VAV2: variants seen among roughly 807,000 people sequenced by gnomAD.
The protein encoded by VAV2 is vav guanine nucleotide exchange factor 2.
A neutral mutation model predicts 132.5 loss-of-function variants in VAV2; 67 were observed. The ratio of observed to expected loss-of-function variants is 0.51; its 90% CI spans 0.42 to 0.62. VAV2 has a LOEUF of 0.62. VAV2 is among the 20% of genes least tolerant of loss of function. The pLI is 0.00. For synonymous variants in VAV2, 492 were observed against 443.5 expected (o/e 1.11, Z -1.37); for missense variants, 938 against 1,153.6 (o/e 0.81, Z 2.71).
chr9:133,810,752 C>G (rs1835328647), intron 5 of VAV2, among the ~76,000 whole-genome samples: 1 of 152,120 alleles, frequency 6.6e-6, no homozygotes, highest in Non-Finnish European at 1.5e-5. Context: ...CCTTCAGAAC[C>G]AGGGACAGCA....
Position 133,763,242 on chromosome 9 carries a change from T to C in VAV2, c.*820A>G, listed in dbSNP as rs1833321018. 6.6e-6 allele frequency: 1 copy of C among 152,214 alleles called. No homozygotes were observed. The highest frequency in any genetic ancestry group is 2.1e-4 in the South Asian group (1 of 4,820). The allele number at this position is 152,214 out of a possible 1,614,324, so 9.4% of individuals were successfully genotyped here. On this transcript the variant is annotated 3_prime_UTR_variant, in exon 30 of 30. Transcript: ENST00000371850. This position sits in a 1 kb window ranked among gnomAD's most constrained non-coding sequence, Gnocchi z 6.8. ...TTCTTCCCTGCCCATTTCAGGGTTT[T>C]TACAAAAGATGTACTGATCTGGCAG... is the stretch of plus-strand genomic sequence containing the variant.
At position 133,788,907 on chromosome 9, in the gene VAV2, C is replaced by T. The variant is rs1397088029; in HGVS notation, c.1274+351G>A. Reference sequence around the variant, plus strand: ...AGGGCCCTGGACAAGCCTGGGCCACCGTGCGCCTGGACACTCTCCGGCAGT... The same window carrying T: ...AGGGCCCTGGACAAGCCTGGGCCACTGTGCGCCTGGACACTCTCCGGCAGT... On this transcript the variant is annotated intron_variant, in intron 14 of 29. Coordinates refer to ENST00000371850, the MANE Select transcript of VAV2 (RefSeq NM_001134398.2). The surrounding 1 kb of genome is among the most constrained non-coding windows in gnomAD (Gnocchi z 5.3). Among the ~76,000 whole-genome samples, 4 of 152,210 alleles carry T rather than the reference C, an allele frequency of 2.6e-5. No individual in the cohort carries two copies. Among genetic ancestry groups the T allele is most frequent in the Non-Finnish European group, 5.9e-5 (4 of 68,034 alleles).
At chr9:133,910,205 C>G (rs754702638) in intron 2 of VAV2, among the ~76,000 whole-genome samples, 1 of 152,166 alleles carries the variant, frequency 6.6e-6, no homozygotes, top group Non-Finnish European at 1.5e-5. Flanking sequence ...AGAGGTAGAA[C>G]AAGAAGCTGG....
At chr9:133,924,663 A>C (rs1840411356) in intron 2 of VAV2, among the ~76,000 whole-genome samples, 1 of 152,176 alleles carries the variant, frequency 6.6e-6, no homozygotes, top group Non-Finnish European at 1.5e-5. Flanking sequence ...TTCCCTCAAG[A>C]GGAACAGCCT....
chr9:133,852,029 T>C (rs1329328318), intron 3 of VAV2, among the ~76,000 whole-genome samples: 2 of 151,446 alleles, frequency 1.3e-5, no homozygotes, highest in Non-Finnish European at 2.9e-5. Flanking sequence ...GGTGGAAGGA[T>C]GTATGGATGG....
chr9:133,812,223 A>G lies in VAV2; in HGVS notation c.450-7T>C, dbSNP rs1161037682. 7.4e-6 allele frequency: 12 copies of G among 1,613,218 alleles called. No individual in the cohort carries two copies. The highest frequency in any genetic ancestry group is 1.0e-5 in the Non-Finnish European group (12 of 1,179,792). On this transcript the variant is annotated splice_region_variant and splice_polypyrimidine_tract_variant and intron_variant, in intron 4 of 29. Transcript: ENST00000371850. ...CTCCCCCAGGTCATGCTCGCTGCAC[A>G]GGAGGAGGCGGGTTAGAGGGGAGGG...
intron 2 of VAV2, among the ~76,000 whole-genome samples, chr9:133,908,077 C>T (rs1333630309): frequency 3.6e-5 from 5 of 138,156 alleles, no homozygotes; most frequent in Non-Finnish European, 7.9e-5. Flanking sequence ...TCTCTGCCTT[C>T]CCCCAGAGAG....
At chr9:133,915,419 C>A (rs1324037389) in intron 2 of VAV2, among the ~76,000 whole-genome samples, 1 of 152,234 alleles carries the variant, frequency 6.6e-6, no homozygotes, top group African/African-American at 2.4e-5. Context: ...CTGACTTTCT[C>A]CCAAGGAGCA....
intron 1 of VAV2, among the ~76,000 whole-genome samples, chr9:133,956,091 C>T (rs1264358316): frequency 6.6e-6 from 1 of 151,996 alleles, no homozygotes; most frequent in African/African-American, 2.4e-5. Flanking sequence ...CTGGACAAGT[C>T]GCTGACCCTC....
At chr9:133,860,162 C>T (rs1458653254) in intron 3 of VAV2, among the ~76,000 whole-genome samples, 1 of 151,788 alleles carries the variant, frequency 6.6e-6, no homozygotes, top group South Asian at 2.1e-4. Flanking sequence ...ATTAGCCGGG[C>T]GTGGTGGTGC....
rs771885409 is a variant in VAV2, at chr9:133,772,077, G to A, written c.2136-31C>T. On this transcript the variant is annotated intron_variant, in intron 25 of 29. Coordinates refer to ENST00000371850, the MANE Select transcript of VAV2 (RefSeq NM_001134398.2). ...CAAACACACGGCCCCGGCGGTCACC[G>A]CGTGAGGGCCACACGGCCCCGGCCC... 4.3e-5 allele frequency: 68 copies of A among 1,597,076 alleles called. No homozygotes were observed. The East Asian group carries it at 1.0e-3, about 24-fold the overall frequency.
Position 133,834,853 on chromosome 9 carries a change from C to A in VAV2, c.381-513G>T, listed in dbSNP as rs1427960328. 6.6e-6 allele frequency among the ~76,000 whole-genome samples: 1 copy of A among 152,130 alleles called. No homozygotes were observed. The highest frequency in any genetic ancestry group is 2.4e-5 in the African/African-American group (1 of 41,428). ...GTAGGGGCTCACCCACGCCACCCAC[C>A]AGCCACTGGCTTGAGGTCAGGAAGA... On this transcript the variant is annotated intron_variant, in intron 3 of 29. Coordinates refer to ENST00000371850, the MANE Select transcript of VAV2 (RefSeq NM_001134398.2). The surrounding 1 kb of genome is among the most constrained non-coding windows in gnomAD (Gnocchi z 5.9).
At chr9:133,951,690 G>A (rs1309437727) in intron 1 of VAV2, among the ~76,000 whole-genome samples, 4 of 152,144 alleles carry the variant, frequency 2.6e-5, no homozygotes, top group East Asian at 1.9e-4. Flanking sequence ...ACCAGACCAC[G>A]GGTGGGTCAC....
In VAV2 at chr9:133,857,738, G is replaced by T. The variant is rs1473541152; in HGVS notation, c.380+3636C>A. Among the ~76,000 whole-genome samples the T allele has an allele frequency of 6.6e-6, 1 of 152,226 alleles. No individual in the cohort carries two copies. Among genetic ancestry groups the T allele is most frequent in the Non-Finnish European group, 1.5e-5 (1 of 68,044 alleles). ...TCAGACGCAGCCACCAAGTGGGGCT[G>T]CCTGGGAGGGTTGCCTGTCACCTGT... On this transcript the variant is annotated intron_variant, in intron 3 of 29. Transcript: ENST00000371850. The surrounding 1 kb of genome is among the most constrained non-coding windows in gnomAD (Gnocchi z 4.0).
intron 2 of VAV2, among the ~76,000 whole-genome samples, chr9:133,916,721 G>A (rs529766515): frequency 1.9e-4 from 29 of 152,256 alleles, no homozygotes; most frequent in Middle Eastern, 3.4e-3. Flanking sequence ...CAACTTTGTC[G>A]GTTCCCCTGC....
chr9:133,825,405 G>A (rs993281390), intron 4 of VAV2, among the ~76,000 whole-genome samples: 1 of 152,148 alleles, frequency 6.6e-6, no homozygotes, highest in Non-Finnish European at 1.5e-5. Context: ...GCATGTGCCT[G>A]GGGCCGGGGG....
chr9:133,966,523 T>C (rs2810540), intron 1 of VAV2, among the ~76,000 whole-genome samples: 46,118 of 152,002 alleles, frequency 0.3, 8,322 homozygotes, highest in East Asian at 0.59. Context: ...CTGTGCAATA[T>C]GGCGAGACCC....
intron 2 of VAV2, among the ~76,000 whole-genome samples, chr9:133,867,858 G>A (rs1837868858): frequency 6.6e-6 from 1 of 152,214 alleles, no homozygotes. Flanking sequence ...ACCTGGCGCC[G>A]GCTCAGCTGA....
At chr9:133,792,679 C>CCCCCCCCCCCCA (rs1834541837) in intron 12 of VAV2, among the ~76,000 whole-genome samples, 2 of 15,324 alleles carry the variant, frequency 1.3e-4, no homozygotes, top group Non-Finnish European at 2.1e-4. Flanking sequence ...CCCCAAGGGA[C>CCCCCCCCCCCCA]CCCCCCCCCC....
Sources: gnomAD v4.1 joint callset for allele counts (sites outside exome capture counted in the v4.1 genomes callset) on GRCh38, gnomAD v4.1.1 for gene constraint, Gnocchi (gnomAD v3.1) non-coding constraint, MANE v1.5 for transcripts, NCBI Gene and HGNC (gene_info 2026-07-23, HGNC 2026-07-21) for gene names.